Variants in XRN1 observed in about 807,000 individuals in gnomAD.
The protein encoded by XRN1 is strand-exchange protein 1 homolog.
Under a neutral mutation model 222.3 loss-of-function variants are expected in XRN1, and 67 were observed. The ratio of observed to expected loss-of-function variants is 0.30; its 90% CI spans 0.25 to 0.37. The LOEUF (loss-of-function observed/expected upper bound fraction) is 0.37, where lower values mean the gene tolerates loss of function less well. XRN1 is among the 10% of genes least tolerant of loss of function. The probability of loss-of-function intolerance (pLI) is 1.00; values close to 1 mark genes in which losing one functional copy is unlikely to be tolerated. For synonymous variants in XRN1, 643 were observed against 652.4 expected (o/e 0.99, Z 0.22); for missense variants, 1,707 against 2,000.2 (o/e 0.85, Z 2.80).
intron 10 of XRN1, among the ~76,000 whole-genome samples, chr3:142,419,763 G>A (rs868356353): frequency 8.6e-5 from 13 of 151,604 alleles, no homozygotes; most frequent in African/African-American, 1.7e-4. Context: ...AGCCAAGATC[G>A]CGCCACTGCA....
intron 20 of XRN1, among the ~76,000 whole-genome samples, chr3:142,388,923 C>T (rs754887980): frequency 2.0e-5 from 3 of 152,196 alleles, no homozygotes; most frequent in Non-Finnish European, 4.4e-5. Context: ...AGAAGCTACT[C>T]TTGGCCGGGT....
chr3:142,401,104 G>A (rs2068112317), intron 18 of XRN1, among the ~76,000 whole-genome samples: 1 of 152,002 alleles, frequency 6.6e-6, no homozygotes, highest in Non-Finnish European at 1.5e-5. Flanking sequence ...ATATCAAATA[G>A]TCAATTATTT....
intron 33 of XRN1, among the ~76,000 whole-genome samples, chr3:142,336,805 C>A (rs902222821): frequency 1.4e-4 from 21 of 152,108 alleles, no homozygotes; most frequent in African/African-American, 4.8e-4. Context: ...AGTTTACATA[C>A]ATTTATGTAA....
intron 22 of XRN1, among the ~76,000 whole-genome samples, 156 bp downstream of exon 22, chr3:142,383,144 G>C (rs1316483628): frequency 6.6e-6 from 1 of 152,128 alleles, no homozygotes; most frequent in East Asian, 1.9e-4. Context: ...ATAGTATTTA[G>C]ATATATAAGT....
chr3:142,423,586 A>T lies in XRN1; in HGVS notation c.684T>A (p.Val228=). The change falls in exon 6 of 41, where the codon GTT becomes GTA. Residue 228 remains valine, a synonymous_variant. Coordinates refer to ENST00000392981, the MANE Select transcript of XRN1 (RefSeq NM_001282857.2). ...GTTGTGTTTTTTTGCCACCAAATCG[A>T]ACTTCTTCTCTTAAGAGAGAAAAAT... ...EAHFSLLREE[V]RFGGKKTQRV... is the part of the protein sequence containing the mutation. 1 of 1,602,132 alleles carries T rather than the reference A, an allele frequency of 6.2e-7. No individual in the cohort carries two copies. Among genetic ancestry groups the T allele is most frequent in the South Asian group, 1.1e-5 (1 of 88,124 alleles).
At chr3:142,420,282 G>C (rs1475571672) in intron 10 of XRN1, 1 of 152,176 alleles carries the variant, frequency 6.6e-6, no homozygotes, top group East Asian at 1.9e-4. Context: ...AAATCGCAGG[G>C]CATCAGCACA....
intron 31 of XRN1, among the ~76,000 whole-genome samples, chr3:142,356,501 G>A (rs908801461): frequency 1.6e-4 from 25 of 152,280 alleles, no homozygotes; most frequent in African/African-American, 5.8e-4. Context: ...CCCATAAATT[G>A]TATGGTAGAA....
At chr3:142,369,499 T>C (rs2066917197) in intron 27 of XRN1, among the ~76,000 whole-genome samples, 1 of 150,714 alleles carries the variant, frequency 6.6e-6, no homozygotes, top group Non-Finnish European at 1.5e-5. Flanking sequence ...AATATAAAAA[T>C]TGGCTGGGCG....
chr3:142,429,144 CTTTTTTT>C (rs199947503), intron 2 of XRN1, among the ~76,000 whole-genome samples: 1 of 120,076 alleles, frequency 8.3e-6, no homozygotes, highest in South Asian at 2.8e-4. Flanking sequence ...TAGCCATAAT[CTTTTTTT>C]TTTTTTTTTT....
At chr3:142,417,958 T>C (rs982669035) in intron 12 of XRN1, 5 of 152,344 alleles carry the variant, frequency 3.3e-5, no homozygotes, top group African/African-American at 9.6e-5. Flanking sequence ...CTTATAGCCA[T>C]CACTTTTACA....
intron 33 of XRN1, among the ~76,000 whole-genome samples, chr3:142,338,230 C>T (rs59741239): frequency 0.012 from 1,895 of 152,226 alleles, 43 homozygotes; most frequent in African/African-American, 0.042. Flanking sequence ...TTCCACTTGA[C>T]GAAAGAAAAG....
intron 37 of XRN1, among the ~76,000 whole-genome samples, chr3:142,326,029 G>A (rs1022592817): frequency 2.0e-5 from 3 of 152,006 alleles, no homozygotes; most frequent in African/African-American, 7.2e-5. Context: ...GTCTCTGTCT[G>A]TTTTTAAGCC....
chr3:142,331,469 C>T (rs573061761), intron 36 of XRN1, among the ~76,000 whole-genome samples: 8 of 152,052 alleles, frequency 5.3e-5, no homozygotes, highest in African/African-American at 1.7e-4. Flanking sequence ...ATATTAATAT[C>T]AATTATTAGC....
chr3:142,337,628 C>T (rs2065886969), intron 33 of XRN1, among the ~76,000 whole-genome samples: 1 of 152,016 alleles, frequency 6.6e-6, no homozygotes, highest in South Asian at 2.1e-4. Flanking sequence ...GTAGACACTA[C>T]TGAAGAAATT....
At chr3:142,418,771 C>T in intron 11 of XRN1, 44 bp downstream of exon 11, 1 of 1,590,232 alleles carries the variant, frequency 6.3e-7, no homozygotes, top group Admixed American at 1.7e-5. Flanking sequence ...TAACAATTAT[C>T]CTGTCAAAGT....
chr3:142,421,432 A>T, intron 9 of XRN1, 44 bp downstream of exon 9: 1 of 1,480,042 alleles, frequency 6.8e-7, no homozygotes, highest in Non-Finnish European at 9.3e-7. Context: ...CTGATCATTT[A>T]CAGCTACTCT....
intron 33 of XRN1, 103 bp from the exon 34 acceptor site, chr3:142,335,612 G>T (rs981439430): frequency 2.0e-6 from 2 of 1,022,102 alleles, no homozygotes; most frequent in African/African-American, 1.6e-5. Context: ...AAAATTCAGA[G>T]AATTTCAAGA....
chr3:142,318,481 C>CA (rs1324529599), intron 39 of XRN1, 111 bp downstream of exon 39: 2 of 1,035,298 alleles, frequency 1.9e-6, no homozygotes, highest in African/African-American at 3.2e-5. Context: ...TAGGCTTTCT[C>CA]ACAATTTCTT....
At position 142,380,110 on chromosome 3, in the gene XRN1, T is replaced by C. The variant is rs1390365882; in HGVS notation, c.2687A>G (p.Asn896Ser). ...RVIFSIPCEP[N>S]LDALIQNQHK... is the part of the protein sequence containing the mutation. ...CTGGTTCTGTATTAAAGCATCAAGA[T>C]TGGGTTCACATGGAATGCTGAAAAT... Residue 896 changes from asparagine to serine, a missense_variant, in exon 23 of 41, where the codon AAT becomes AGT. Physicochemically the swap from Asn to Ser is conservative, Grantham distance 46 (BLOSUM62 1). Around this residue, in one of 2 missense-constraint regions of XRN1, gnomAD observed 1,234 missense variants for 1,518.2 expected, o/e 0.81. Transcript: ENST00000392981. 19 of 1,613,798 alleles carry C rather than the reference T, an allele frequency of 1.2e-5. No homozygotes were observed. Among genetic ancestry groups the C allele is most frequent in the Non-Finnish European group, 1.5e-5 (18 of 1,179,920 alleles).
Sources: gnomAD v4.1 joint callset for allele counts (sites outside exome capture counted in the v4.1 genomes callset) on GRCh38, gnomAD v4.1.1 for gene constraint, gnomAD v4.1.1 regional missense constraint, MANE v1.5 for transcripts, NCBI Gene and HGNC (gene_info 2026-07-23, HGNC 2026-07-21) for gene names.